The following PROX1 variants were observed in gnomAD, a reference collection of about 807,000 sequenced individuals.
PROX1 encodes the protein prospero homeobox 1.
In PROX1, 7 loss-of-function variants were observed where a neutral mutation model predicts 58.8. The ratio of observed to expected loss-of-function variants is 0.12; its 90% CI spans 0.07 to 0.22. The LOEUF (loss-of-function observed/expected upper bound fraction) is 0.22. Ranked by LOEUF, PROX1 falls within the 10% of genes least tolerant of loss-of-function variation. PROX1 has a pLI of 1.00. For synonymous variants in PROX1, 350 were observed against 358.3 expected (o/e 0.98, Z 0.26); for missense variants, 675 against 927.8 (o/e 0.73, Z 3.54).
rs533258951 is a variant in PROX1, at chr1:214,031,958, ACTTT to A, written c.2029-3686_2029-3683del. Among the ~76,000 whole-genome samples, 204 of 152,310 alleles carry A rather than the reference ACTTT, an allele frequency of 1.3e-3. 2 individuals carry two copies. Among genetic ancestry groups the A allele is most frequent in the Middle Eastern group, 3.4e-3 (1 of 294 alleles). ...TCCAGTAGTTCAGTATCTCATTACA[ACTTT>A]CTTTTGTCCAGTCCAGTCCATTGCA... is the stretch of plus-strand genomic sequence containing the variant. On this transcript the variant is annotated intron_variant, in intron 4 of 4. Transcript: ENST00000366958.
At position 214,005,224 on chromosome 1, in the gene PROX1, C is replaced by A. The variant is rs1359162940; in HGVS notation, c.1785C>A (p.Thr595=). The change falls in exon 3 of 5, where the codon ACC becomes ACA. Residue 595 remains threonine (T), a synonymous_variant. Coordinates refer to ENST00000366958, the MANE Select transcript of PROX1 (RefSeq NM_001270616.2). ...AAGCAAAGCTCATGTTTTTTTATAC[C>A]CGTTATCCCAGCTCCAATATGCTGA... ...LKKAKLMFFY[T]RYPSSNMLKT... 2.5e-6 allele frequency: 4 copies of A among 1,613,716 alleles called. No individual in the cohort carries two copies. In the East Asian group the frequency reaches 8.9e-5, roughly 36 times the overall value.
intron 4 of PROX1, among the ~76,000 whole-genome samples, chr1:214,013,987 A>T (rs1437378344): frequency 6.6e-6 from 1 of 151,956 alleles, no homozygotes; most frequent in Non-Finnish European, 1.5e-5. Flanking sequence ...ATATGCACAC[A>T]CGCGTACCGA....
chr1:214,008,358 A>G (rs895028795), intron 3 of PROX1, among the ~76,000 whole-genome samples: 27 of 152,112 alleles, frequency 1.8e-4, no homozygotes, highest in African/African-American at 6.3e-4. Flanking sequence ...CTCAGCCCTC[A>G]TATTTTATTT....
chr1:213,997,999 G>T lies in PROX1; in HGVS notation c.1464G>T (p.Leu488Phe). The change falls in exon 2 of 5, where the codon TTG becomes TTT. Residue 488 changes from leucine to phenylalanine, a missense_variant. Physicochemically the swap from Leu to Phe is conservative, Grantham distance 22. This residue lies in a region of PROX1 where 403 missense variants were observed against 477.4 expected (regional missense o/e 0.84). Coordinates refer to ENST00000366958, the MANE Select transcript of PROX1 (RefSeq NM_001270616.2). This position sits in a 1 kb window ranked among gnomAD's most constrained non-coding sequence, Gnocchi z 7.1. ...STFRHPFPLPLMAYPFQSPLG... is the reference protein window; with the variant it reads ...STFRHPFPLPFMAYPFQSPLG... ...TCCGCCACCCCTTCCCCCTTCCCTT[G>T]ATGGCCTATCCATTTCAGAGCCCAT... 6.2e-7 allele frequency: 1 copy of T among 1,613,362 alleles called. No homozygotes were observed. The highest frequency in any genetic ancestry group is 8.5e-7 in the Non-Finnish European group (1 of 1,179,640).
At chr1:214,023,487 G>A (rs1571836099) in intron 4 of PROX1, among the ~76,000 whole-genome samples, 1 of 152,252 alleles carries the variant, frequency 6.6e-6, no homozygotes, top group East Asian at 1.9e-4. Flanking sequence ...CTCCCAAGTA[G>A]CTGGGATTAC....
Position 213,988,453 on chromosome 1 carries a change from A to AGAGG in PROX1, c.-97_-94dup, listed in dbSNP as rs1662893213. The AGAGG allele has an allele frequency of 6.6e-6, 1 of 151,872 alleles. No homozygotes were observed. The highest frequency in any genetic ancestry group is 1.5e-5 in the Non-Finnish European group (1 of 68,030). 9.4% of individuals were successfully genotyped at this position (151,872 alleles called of 1,614,324 possible). On this transcript the variant is annotated 5_prime_UTR_variant, in exon 1 of 5. Coordinates refer to ENST00000366958, the MANE Select transcript of PROX1 (RefSeq NM_001270616.2). ...GAGAGAGAGAGAGAGAGAGAGAGAG[A>AGAGG]GAGGCTCGGTCCCACTGCTCCCTGC...
chr1:214,011,639 A>C lies in PROX1; in HGVS notation c.1952A>C (p.Glu651Ala), dbSNP rs1254485006. Reference sequence around the variant, plus strand: ...ATCAACGATGGGGTCACCAGTACTGAAGAGCTGTCTATAACCAGAGACTGT... The same window carrying C: ...ATCAACGATGGGGTCACCAGTACTGCAGAGCTGTCTATAACCAGAGACTGT... ...QAINDGVTST[E>A]ELSITRDCEL... The change falls in exon 4 of 5, where the codon GAA becomes GCA. Residue 651 changes from glutamate (E) to alanine (A), a missense_variant. Coordinates refer to ENST00000366958, the MANE Select transcript of PROX1 (RefSeq NM_001270616.2). The C allele has an allele frequency of 3.1e-6, 5 of 1,614,120 alleles. No homozygotes were observed. The highest frequency in any genetic ancestry group is 4.2e-6 in the Non-Finnish European group (5 of 1,179,960).
At chr1:213,995,997 G>T (rs779354291) in intron 1 of PROX1, among the ~76,000 whole-genome samples, 1 of 152,024 alleles carries the variant, frequency 6.6e-6, no homozygotes, top group Non-Finnish European at 1.5e-5. Context: ...TCCTTTAATA[G>T]CGTTAAAACC....
upstream of PROX1, chr1:213,985,074 T>C (rs543993701): frequency 6.6e-6 from 1 of 152,214 alleles, no homozygotes; most frequent in South Asian, 2.1e-4. Context: ...GATAAATAAG[T>C]AAATGCAACC....
intron 4 of PROX1, among the ~76,000 whole-genome samples, chr1:214,023,791 T>C (rs936676005): frequency 2.0e-5 from 3 of 152,206 alleles, no homozygotes; most frequent in African/African-American, 7.2e-5. Context: ...ACATTAACAT[T>C]TTAAATTAGA....
chr1:214,014,100 C>A (rs1282846604), intron 4 of PROX1, among the ~76,000 whole-genome samples: 1 of 152,182 alleles, frequency 6.6e-6, no homozygotes, highest in Non-Finnish European at 1.5e-5. Flanking sequence ...CCTTCTTTTC[C>A]GTGCCTTTGT....
chr1:214,001,202 A>G (rs183080661), intron 2 of PROX1, among the ~76,000 whole-genome samples: 1 of 152,304 alleles, frequency 6.6e-6, no homozygotes, highest in Admixed American at 6.5e-5. Context: ...CATTAAACAT[A>G]TATGTTCTGT....
At chr1:214,022,139 C>T (rs182248631) in intron 4 of PROX1, among the ~76,000 whole-genome samples, 26 of 152,326 alleles carry the variant, frequency 1.7e-4, no homozygotes, top group African/African-American at 5.5e-4. Context: ...CGTTGTAGGA[C>T]TTACAGCATG....
In PROX1 at chr1:214,039,060, G is replaced by A. The variant is rs1664921672; in HGVS notation, c.*3226G>A. Reference sequence around the variant, plus strand: ...GTGCTATATATGTGTGCGCAGATGTGTGAACATAAAATCACATACACACAT... The same window carrying A: ...GTGCTATATATGTGTGCGCAGATGTATGAACATAAAATCACATACACACAT... On this transcript the variant is annotated 3_prime_UTR_variant, in exon 5 of 5. Coordinates refer to ENST00000366958, the MANE Select transcript of PROX1 (RefSeq NM_001270616.2). The A allele has an allele frequency of 6.6e-6, 1 of 152,098 alleles. No individual in the cohort carries two copies. The highest frequency in any genetic ancestry group is 2.4e-5 in the African/African-American group (1 of 41,412). 9.4% of individuals were successfully genotyped at this position (152,098 alleles called of 1,614,324 possible).
intron 1 of PROX1, among the ~76,000 whole-genome samples, chr1:213,996,143 G>T (rs1663254923): frequency 6.6e-6 from 1 of 151,988 alleles, no homozygotes; most frequent in Admixed American, 6.5e-5. Flanking sequence ...TTAATCAATT[G>T]GTTGTCAGAG....
chr1:214,023,036 T>G (rs568477840), intron 4 of PROX1, among the ~76,000 whole-genome samples: 1 of 152,242 alleles, frequency 6.6e-6, no homozygotes, highest in African/African-American at 2.4e-5. Context: ...TTTGCAGATC[T>G]GAATCTCAAC....
intron 4 of PROX1, among the ~76,000 whole-genome samples, chr1:214,015,264 G>A (rs1441235879): frequency 6.6e-6 from 1 of 152,188 alleles, no homozygotes; most frequent in African/African-American, 2.4e-5. Context: ...CTGTGCGTGA[G>A]TGTGTGAGGC....
chr1:214,028,854 C>T (rs1325964744), intron 4 of PROX1: 1 of 152,288 alleles, frequency 6.6e-6, no homozygotes, highest in African/African-American at 2.4e-5. Flanking sequence ...TTAGTAACCA[C>T]ATCTTGTGAC....
intron 1 of PROX1, among the ~76,000 whole-genome samples, chr1:213,992,268 T>C (rs1663064236): frequency 6.6e-6 from 1 of 152,164 alleles, no homozygotes; most frequent in African/African-American, 2.4e-5. Flanking sequence ...AAAAACCTGA[T>C]AACGCAATCT....
Sources: allele counts gnomAD v4.1 joint callset (sites outside exome capture counted in the v4.1 genomes callset), GRCh38; gene constraint gnomAD v4.1.1; regional missense constraint gnomAD v4.1.1; non-coding constraint Gnocchi (gnomAD v3.1); transcripts MANE v1.5; gene names NCBI Gene and HGNC (gene_info 2026-07-23, HGNC 2026-07-21).